Variants in NRG4 observed in about 807,000 individuals in gnomAD.
The protein encoded by NRG4 is pro-neuregulin-4, membrane-bound isoform.
A neutral mutation model predicts 15.0 loss-of-function variants in NRG4; 10 were observed. The observed-to-expected ratio is 0.67, with a 90% CI of 0.41 to 1.13. The LOEUF (loss-of-function observed/expected upper bound fraction) is 1.13. Ranked by LOEUF, NRG4 falls within the 50% of genes most tolerant of loss-of-function variation. NRG4 has a pLI of 0.00. For synonymous variants in NRG4, 41 were observed against 50.1 expected (o/e 0.82, Z 0.77); for missense variants, 139 against 140.2 (o/e 0.99, Z 0.04).
At chr15:76,059,937 G>A (rs1427421735), upstream of NRG4, 4 of 148,216 alleles carry the variant, frequency 2.7e-5, no homozygotes, top group South Asian at 2.1e-4. Context: ...GGGGCGGGGG[G>A]GCGGAGAGGG....
At chr15:75,956,344 C>CT (rs542053471) in intron 4 of NRG4, among the ~76,000 whole-genome samples, 363 of 152,210 alleles carry the variant, frequency 2.4e-3, no homozygotes, top group African/African-American at 7.6e-3. Context: ...TTTTTGTGCT[C>CT]TTTTTAAAGA....
In NRG4 at chr15:75,972,509, C is replaced by T. The variant is rs145211527; in HGVS notation, c.105-10535G>A. Among the ~76,000 whole-genome samples the T allele has an allele frequency of 1.1e-3, 163 of 152,224 alleles. 1 individual carries two copies. Among genetic ancestry groups the T allele is most frequent in the African/African-American group, 3.8e-3 (158 of 41,538 alleles). On this transcript the variant is annotated intron_variant, in intron 3 of 5. Coordinates refer to ENST00000394907, the MANE Select transcript of NRG4 (RefSeq NM_138573.4). The stretch of plus-strand genomic sequence containing the variant: ...AGGGTTTTTATGGTTTTAGGTCTTA[C>T]GTTTAAGTCTTTAATTCATCTTGAG...
chr15:76,019,632 C>T lies in NRG4; in HGVS notation c.-56-8346G>A, dbSNP rs7174303. ...AATCCCTTGCACTTCCCCGGTGAGG[C>T]GACACCCCACCCTGCTTTGGCTTGC... On this transcript the variant is annotated intron_variant, in intron 5 of 8. Transcript: ENST00000563910. Among the ~76,000 whole-genome samples the T allele has an allele frequency of 7.2e-3, 1,091 of 152,296 alleles. 19 individuals carry two copies. Among genetic ancestry groups the T allele is most frequent in the African/African-American group, 0.024 (999 of 41,558 alleles).
intron 5 of NRG4, among the ~76,000 whole-genome samples, chr15:76,029,646 T>C (rs1174593531): frequency 1.3e-5 from 2 of 151,898 alleles, no homozygotes; most frequent in Non-Finnish European, 2.9e-5. Flanking sequence ...TTAACTAAAC[T>C]GAAAAAGGAA....
At chr15:75,989,119 A>T (rs1192633620) in intron 3 of NRG4, among the ~76,000 whole-genome samples, 2 of 152,104 alleles carry the variant, frequency 1.3e-5, no homozygotes, top group Non-Finnish European at 2.9e-5. Context: ...TGGCTTCCCA[A>T]AGTGATTTGA....
intron 5 of NRG4, among the ~76,000 whole-genome samples, chr15:76,027,340 T>C (rs1453288517): frequency 6.6e-6 from 1 of 151,812 alleles, no homozygotes; most frequent in East Asian, 1.9e-4. Context: ...CATTATATAA[T>C]CATCAATGGA....
At chr15:75,995,542 C>A (rs543407705) in intron 3 of NRG4, among the ~76,000 whole-genome samples, 5 of 152,054 alleles carry the variant, frequency 3.3e-5, no homozygotes, top group Admixed American at 6.5e-5. Context: ...AGGGATCATA[C>A]TTCAACATGA....
intron 3 of NRG4, among the ~76,000 whole-genome samples, chr15:75,975,310 A>G (rs946403887): frequency 1.3e-5 from 2 of 152,108 alleles, no homozygotes; most frequent in Non-Finnish European, 2.9e-5. Context: ...CCAATTTGCC[A>G]GTCTGTGTCT....
intron 3 of NRG4, among the ~76,000 whole-genome samples, chr15:75,983,990 T>C: frequency 6.6e-6 from 1 of 152,256 alleles, no homozygotes; most frequent in East Asian, 1.9e-4. Context: ...ATATAAATGT[T>C]ACCCCAATAT....
chr15:76,009,856 A>G (rs2034744362), intron 2 of NRG4, among the ~76,000 whole-genome samples: 1 of 152,202 alleles, frequency 6.6e-6, no homozygotes, highest in South Asian at 2.1e-4. Context: ...TTTAGGTAAC[A>G]GTTACTAACC....
intron 5 of NRG4, among the ~76,000 whole-genome samples, chr15:76,030,270 CAACAAACA>C (rs559908649): frequency 8.6e-4 from 130 of 151,186 alleles, no homozygotes; most frequent in African/African-American, 2.8e-3. Flanking sequence ...AAAACAACAA[CAACAAACA>C]AACAAACAAA....
In NRG4 at chr15:75,941,984, T is replaced by C. The variant is rs2031034905; in HGVS notation, c.*1654A>G. The stretch of plus-strand genomic sequence containing the variant: ...AAATATGGCCTAGCTTTTTTTTTTT[T>C]TTTTAAAAAGGGCAGGGGGTGGGGT... On this transcript the variant is annotated 3_prime_UTR_variant, in exon 6 of 6. Transcript: ENST00000394907. 6.7e-6 allele frequency: 1 copy of C among 150,216 alleles called. No individual in the cohort carries two copies. Among genetic ancestry groups the C allele is most frequent in the South Asian group, 2.1e-4 (1 of 4,798 alleles). The allele number at this position is 150,216 out of a possible 1,614,324, so 9.3% of individuals were successfully genotyped here.
chr15:76,007,396 A>G (rs1230867505), intron 3 of NRG4, among the ~76,000 whole-genome samples: 1 of 152,120 alleles, frequency 6.6e-6, no homozygotes, highest in Non-Finnish European at 1.5e-5. Flanking sequence ...TCAAGACACA[A>G]AATGTTAGTA....
intron 4 of NRG4, among the ~76,000 whole-genome samples, chr15:75,957,491 CTT>C (rs2032297020): frequency 6.6e-6 from 1 of 152,310 alleles, no homozygotes; most frequent in East Asian, 1.9e-4. Context: ...ATTGTTGCAT[CTT>C]TGACGATAAT....
At chr15:75,952,324 G>C (rs2031951923) in intron 5 of NRG4, among the ~76,000 whole-genome samples, 1 of 152,096 alleles carries the variant, frequency 6.6e-6, no homozygotes, top group Non-Finnish European at 1.5e-5. Context: ...TCATATAAAT[G>C]TTATAAAATA....
At chr15:76,002,334 G>A (rs1386010086) in intron 3 of NRG4, among the ~76,000 whole-genome samples, 4 of 151,958 alleles carry the variant, frequency 2.6e-5, no homozygotes, top group African/African-American at 9.7e-5. Context: ...ATATAGAAAG[G>A]TATAACAAGA....
At chr15:76,007,740 C>A (rs1437955727) in intron 3 of NRG4, among the ~76,000 whole-genome samples, 1 of 152,106 alleles carries the variant, frequency 6.6e-6, no homozygotes, top group African/African-American at 2.4e-5. Flanking sequence ...AAATGTACTT[C>A]TTCTGATAAG....
At chr15:76,025,364 G>A (rs181578796) in intron 5 of NRG4, among the ~76,000 whole-genome samples, 2,251 of 152,124 alleles carry the variant, frequency 0.015, 65 homozygotes, top group African/African-American at 0.051. Context: ...GTGTGAACCC[G>A]GCAGGCGGAG....
At chr15:75,994,857 A>G (rs2034151624) in intron 3 of NRG4, among the ~76,000 whole-genome samples, 1 of 152,192 alleles carries the variant, frequency 6.6e-6, no homozygotes, top group East Asian at 1.9e-4. Context: ...CTGTAAAGGA[A>G]TATCTGAGGC....
Sources: allele counts gnomAD v4.1 joint callset (sites outside exome capture counted in the v4.1 genomes callset), GRCh38; gene constraint gnomAD v4.1.1; transcripts MANE v1.5; gene names NCBI Gene and HGNC (gene_info 2026-07-23, HGNC 2026-07-21).